Variants in ATR observed in about 807,000 individuals in gnomAD.
ATR encodes serine/threonine-protein kinase ATR.
In ATR, 142 loss-of-function variants were observed where a neutral mutation model predicts 305.3. The ratio of observed to expected loss-of-function variants is 0.47; its 90% CI spans 0.41 to 0.53. ATR has a LOEUF of 0.53. Ranked by LOEUF, ATR falls within the 20% of genes least tolerant of loss-of-function variation. The pLI is 0.00. For synonymous variants in ATR, 1,050 were observed against 1,068.1 expected, an observed-to-expected ratio of 0.98 and a Z score of 0.33; for missense variants, 2,135 against 3,133.1, an observed-to-expected ratio of 0.68 and a Z score of 7.60.
chr3:142,502,597 T>C (rs563894710), intron 30 of ATR, among the ~76,000 whole-genome samples: 7 of 152,070 alleles, frequency 4.6e-5, no homozygotes, highest in Non-Finnish European at 1.0e-4. Flanking sequence ...AACTTGCACA[T>C]GTACCCTCAG....
At chr3:142,500,415 C>A (rs1254221006) in intron 30 of ATR, among the ~76,000 whole-genome samples, 1 of 152,148 alleles carries the variant, frequency 6.6e-6, no homozygotes, top group African/African-American at 2.4e-5. Flanking sequence ...ATCATGACTA[C>A]ACAGAAACCG....
rs767171676 is a variant in ATR at position 142,507,947 on chromosome 3, T to G, written c.5015A>C (p.His1672Pro). 1.2e-6 allele frequency: 2 copies of G among 1,609,994 alleles called. No homozygotes were observed. Among genetic ancestry groups the G allele is most frequent in the Non-Finnish European group, 1.7e-6 (2 of 1,176,302 alleles). ...ITEKKQNIQE[H>P]LGFLQKLYAA... ...ACTTCAGACCTGTAAAAATCCAAGA[T>G]GTTCCTGAATATTTTGCTTCTTTTC... The change falls in exon 28 of 47, where the codon CAT becomes CCT. Residue 1672 changes from histidine (H) to proline (P), a missense_variant. Coordinates refer to ENST00000350721, the MANE Select transcript of ATR (RefSeq NM_001184.4).
Position 142,562,330 on chromosome 3 carries a change from G to T in ATR, c.1072C>A (p.Pro358Thr). The change falls in exon 4 of 47, where the codon CCA (proline) becomes ACA (threonine). Residue 358 changes from proline (P) to threonine (T), a missense_variant. Coordinates refer to ENST00000350721, the MANE Select transcript of ATR (RefSeq NM_001184.4). The part of the protein sequence containing the change: ...HLLQYFLKFV[P>T]AGYESALQVR... Reference sequence around the variant, plus strand: ...TGTAAAGCAGATTCATACCCAGCTGGCACAAATTTAAGGAAATACTGCAGT... The same window carrying T: ...TGTAAAGCAGATTCATACCCAGCTGTCACAAATTTAAGGAAATACTGCAGT... 6.2e-7 allele frequency: 1 copy of T among 1,613,998 alleles called. No individual in the cohort carries two copies. Among genetic ancestry groups the T allele is most frequent in the Non-Finnish European group, 8.5e-7 (1 of 1,179,962 alleles).
chr3:142,489,307 C>G (rs1441031478), intron 35 of ATR, among the ~76,000 whole-genome samples: 1 of 152,086 alleles, frequency 6.6e-6, no homozygotes, highest in Non-Finnish European at 1.5e-5. Flanking sequence ...ATACTCCAGC[C>G]TGGGTTGACA....
At chr3:142,547,077 T>C (rs2034294564) in intron 16 of ATR, among the ~76,000 whole-genome samples, 2 of 152,188 alleles carry the variant, frequency 1.3e-5, no homozygotes, top group East Asian at 3.8e-4. Context: ...AACAGTCCTT[T>C]AAGTCTGTTA....
intron 7 of ATR, 53 bp from the exon 8 acceptor site, chr3:142,558,829 CTT>C: frequency 6.7e-7 from 1 of 1,496,692 alleles, no homozygotes; most frequent in African/African-American, 1.4e-5. Context: ...AATCATATCT[CTT>C]TTAAATAAAA....
intron 16 of ATR, among the ~76,000 whole-genome samples, chr3:142,545,667 G>T (rs990217749): frequency 6.8e-6 from 1 of 146,744 alleles, no homozygotes; most frequent in African/African-American, 2.5e-5. Context: ...GAACCATTAG[G>T]AGATGTTCAC....
chr3:142,547,421 C>T (rs2034308795), intron 16 of ATR, among the ~76,000 whole-genome samples: 1 of 152,092 alleles, frequency 6.6e-6, no homozygotes. Context: ...ATAAAATCTA[C>T]TAAAAACACT....
chr3:142,535,230 G>C (rs752985152), intron 20 of ATR, 25 bp from the exon 21 acceptor site: 1 of 1,611,904 alleles, frequency 6.2e-7, no homozygotes, highest in East Asian at 2.2e-5. Flanking sequence ...CAGAGAGACA[G>C]AACTTATTAA....
chr3:142,522,631 G>T, intron 23 of ATR, 97 bp downstream of exon 23: 1 of 1,038,898 alleles, frequency 9.6e-7, no homozygotes, highest in Admixed American at 1.8e-5. Flanking sequence ...ATAAAAGTGA[G>T]AATTAAAACA....
chr3:142,515,561 T>C (rs112774908), intron 24 of ATR, 46 bp from the exon 25 acceptor site: 9 of 1,542,524 alleles, frequency 5.8e-6, no homozygotes, highest in African/African-American at 5.5e-5. Flanking sequence ...ATCCACCTGT[T>C]TAGAATTTTA....
At chr3:142,512,706 T>C (rs1285165752) in intron 26 of ATR, among the ~76,000 whole-genome samples, 1 of 151,902 alleles carries the variant, frequency 6.6e-6, no homozygotes, top group African/African-American at 2.4e-5. Flanking sequence ...TACAAAAAAA[T>C]TAGCCAGGCA....
chr3:142,468,075 TAAA>T lies in ATR; in HGVS notation c.6553-10_6553-8del. ...CACGCATGGGATAAGATGACTGTCA[TAAA>T]AAAGAGTTAAATGTCATAAAAAAGA... On this transcript the variant is annotated splice_polypyrimidine_tract_variant and splice_region_variant and intron_variant, in intron 38 of 46. Transcript: ENST00000350721. The T allele has an allele frequency of 6.2e-7, 1 of 1,611,514 alleles. No homozygotes were observed. The highest frequency in any genetic ancestry group is 8.5e-7 in the Non-Finnish European group (1 of 1,179,010).
chr3:142,552,767 AC>A (rs2034519230), intron 13 of ATR, among the ~76,000 whole-genome samples: 1 of 152,074 alleles, frequency 6.6e-6, no homozygotes, highest in African/African-American at 2.4e-5. Context: ...ACCATGGAAT[AC>A]TATACAGCCA....
At chr3:142,482,994 T>C (rs1011907427) in intron 36 of ATR, among the ~76,000 whole-genome samples, 22 of 150,566 alleles carry the variant, frequency 1.5e-4, no homozygotes, top group African/African-American at 4.9e-4. Flanking sequence ...TCTTTCTTTT[T>C]TTTTTTTCTT....
Position 142,461,942 on chromosome 3 carries a change from T to C in ATR, c.7190A>G (p.Lys2397Arg), listed in dbSNP as rs2108265713. The change falls in exon 42 of 47, where the codon AAG becomes AGG. Residue 2397 changes from lysine to arginine, a missense_variant and splice_region_variant. Around this residue, in one of 9 missense-constraint regions of ATR, gnomAD observed 462 missense variants for 887.6 expected, o/e 0.52. Transcript: ENST00000350721. ...TGTATAAGAATTAATTTTAGTACCCTTTTCTTTATATAGTTTGGTCAGAAT... is the reference window on the plus strand; with the variant it reads ...TGTATAAGAATTAATTTTAGTACCCCTTTCTTTATATAGTTTGGTCAGAAT... ...RPILTKLYKE[K>R]GVYMTGKELR... is the part of the protein sequence containing the mutation. 1 of 1,613,220 alleles carries C rather than the reference T, an allele frequency of 6.2e-7. No individual in the cohort carries two copies. The highest frequency in any genetic ancestry group is 8.5e-7 in the Non-Finnish European group (1 of 1,179,500).
In ATR at chr3:142,553,900, ATCTTTG is replaced by A; in HGVS notation, c.2451_2456del (p.Lys818_Asp819del). Reference sequence around the variant, plus strand: ...TATTTCCACTAAAAGCCACTCTAACATCTTTGTCTGGATCTTCCATTAAATTTAATA... The same window carrying A: ...TATTTCCACTAAAAGCCACTCTAACATCTGGATCTTCCATTAAATTTAATA... On this transcript the variant is annotated inframe_deletion, in exon 11 of 47. Coordinates refer to ENST00000350721, the MANE Select transcript of ATR (RefSeq NM_001184.4). 6.2e-7 allele frequency: 1 copy of A among 1,613,428 alleles called. No individual in the cohort carries two copies. The highest frequency in any genetic ancestry group is 8.5e-7 in the Non-Finnish European group (1 of 1,179,588).
intron 25 of ATR, 109 bp from the exon 26 acceptor site, chr3:142,513,747 AAAAAGTTTTTT>A: frequency 1.7e-6 from 2 of 1,205,698 alleles, no homozygotes; most frequent in Non-Finnish European, 2.3e-6. Context: ...TTTTAAATTT[AAAAAGTTTTTT>A]AATTAATTTT....
chr3:142,479,229 T>C (rs528126365), intron 36 of ATR, among the ~76,000 whole-genome samples: 5 of 152,316 alleles, frequency 3.3e-5, no homozygotes, highest in Admixed American at 2.6e-4. Context: ...CTGGTACCGA[T>C]TGTTCCTTTC....
Sources: gnomAD v4.1 joint callset for allele counts (sites outside exome capture counted in the v4.1 genomes callset) on GRCh38, gnomAD v4.1.1 for gene constraint, gnomAD v4.1.1 regional missense constraint, MANE v1.5 for transcripts, NCBI Gene and HGNC (gene_info 2026-07-23, HGNC 2026-07-21) for gene names.